The following CDH18 variants were observed in gnomAD, a reference collection of about 807,000 sequenced individuals.
The protein encoded by CDH18 is cadherin-18.
Under a neutral mutation model 67.9 loss-of-function variants are expected in CDH18, and 31 were observed. That is an observed-to-expected ratio of 0.46 (90% CI 0.34 to 0.62). The LOEUF is 0.62. Among genes scored for constraint, CDH18 ranks in the 20% least tolerant of loss-of-function variants. The pLI, the probability that CDH18 is intolerant of heterozygous loss-of-function variation, is 0.01. For synonymous variants in CDH18, 362 were observed against 347.2 expected (o/e 1.04, Z -0.48); for missense variants, 890 against 975.5 (o/e 0.91, Z 1.17).
chr5:19,515,061 A>G (rs1231441999), intron 10 of CDH18, among the ~76,000 whole-genome samples: 2 of 152,184 alleles, frequency 1.3e-5, no homozygotes, highest in East Asian at 3.8e-4. Flanking sequence ...AGCTTTCTAC[A>G]TATGGCTAGC....
intron 2 of CDH18, among the ~76,000 whole-genome samples, chr5:20,103,498 G>A (rs1746648152): frequency 6.6e-6 from 1 of 151,658 alleles, no homozygotes; most frequent in Non-Finnish European, 1.5e-5. Flanking sequence ...GACCGAGGCA[G>A]GGAGATCACG....
At chr5:20,069,383 G>T (rs1489746229) in intron 2 of CDH18, among the ~76,000 whole-genome samples, 2 of 148,954 alleles carry the variant, frequency 1.3e-5, no homozygotes. Context: ...ACTCTCTACT[G>T]CATTGCCCTC....
intron 2 of CDH18, among the ~76,000 whole-genome samples, chr5:19,958,529 C>A (rs966665059): frequency 6.6e-6 from 1 of 151,736 alleles, no homozygotes; most frequent in African/African-American, 2.4e-5. Flanking sequence ...GTGTTTATAC[C>A]CTCAGTACCT....
chr5:19,958,493 G>A (rs115298303), intron 2 of CDH18, among the ~76,000 whole-genome samples: 140 of 150,902 alleles, frequency 9.3e-4, no homozygotes, highest in African/African-American at 3.3e-3. Context: ...TGTATGAACT[G>A]TAAATGACCT....
intron 5 of CDH18, among the ~76,000 whole-genome samples, chr5:19,638,261 A>G (rs557991829): frequency 1.2e-4 from 19 of 152,328 alleles, no homozygotes; most frequent in African/African-American, 4.6e-4. Context: ...CGACAGTGAG[A>G]CTATAACTAT....
In CDH18 at chr5:19,730,339, CTCCTTTATCCAT is replaced by C. The variant is rs1338453212; in HGVS notation, c.524-8885_524-8874del. On this transcript the variant is annotated intron_variant, in intron 4 of 12. Coordinates refer to ENST00000382275, the MANE Select transcript of CDH18 (RefSeq NM_004934.5). ...GGTATTAACAGATTTCTCCCCAATG[CTCCTTTATCCAT>C]TTTGAAAGTAATGACTACACACTAC... Among the ~76,000 whole-genome samples the C allele has an allele frequency of 8.5e-5, 13 of 152,330 alleles. No individual in the cohort carries two copies. In the South Asian group the frequency reaches 1.9e-3, roughly 22 times the overall value.
At chr5:19,540,028 A>C (rs373827430) in intron 9 of CDH18, among the ~76,000 whole-genome samples, 17 of 152,184 alleles carry the variant, frequency 1.1e-4, no homozygotes, top group East Asian at 7.7e-4. Flanking sequence ...CTTATCTGAG[A>C]CAAAGCAAGT....
intron 1 of CDH18, among the ~76,000 whole-genome samples, chr5:20,286,132 C>A (rs915463005): frequency 5.3e-5 from 8 of 151,246 alleles, no homozygotes; most frequent in African/African-American, 9.7e-5. Context: ...TATTAGAATA[C>A]CTTGCCCAAA....
intron 1 of CDH18, among the ~76,000 whole-genome samples, chr5:20,535,568 G>C (rs1386956393): frequency 6.6e-6 from 1 of 152,078 alleles, no homozygotes; most frequent in African/African-American, 2.4e-5. Flanking sequence ...GTGGAAATTA[G>C]ATTTTTTTGT....
chr5:20,058,915 C>T (rs1040532629), intron 2 of CDH18, among the ~76,000 whole-genome samples: 4 of 152,086 alleles, frequency 2.6e-5, no homozygotes, highest in African/African-American at 7.2e-5. Flanking sequence ...TGGTAGAATT[C>T]GGCTGTGAAT....
At chr5:19,701,535 A>G (rs1321023593) in intron 5 of CDH18, among the ~76,000 whole-genome samples, 1 of 152,164 alleles carries the variant, frequency 6.6e-6, no homozygotes, top group Non-Finnish European at 1.5e-5. Context: ...CCCTTTGGTC[A>G]TAGATCACAA....
intron 2 of CDH18, among the ~76,000 whole-genome samples, chr5:19,857,426 T>TA (rs1023222473): frequency 2.6e-5 from 4 of 152,126 alleles, no homozygotes; most frequent in Non-Finnish European, 4.4e-5. Flanking sequence ...TAAATGATGA[T>TA]AAATAGCTGA....
At chr5:20,402,637 A>G (rs1051803414) in intron 1 of CDH18, among the ~76,000 whole-genome samples, 2 of 138,740 alleles carry the variant, frequency 1.4e-5, no homozygotes, top group East Asian at 3.9e-4. Context: ...TGGATATCTT[A>G]ACTTAAAATA....
At chr5:20,486,563 C>A (rs141520152) in intron 1 of CDH18, among the ~76,000 whole-genome samples, 189 of 151,828 alleles carry the variant, frequency 1.2e-3, no homozygotes, top group African/African-American at 4.4e-3. Context: ...GACCTGGGAG[C>A]TGAACTGATG....
In CDH18 at chr5:19,483,429, G is replaced by C. The variant is rs1322851314; in HGVS notation, c.1754C>G (p.Thr585Ser). The C allele has an allele frequency of 6.2e-7, 1 of 1,614,098 alleles. No homozygotes were observed. ...TCTCTCGCATGCACAAACCCTGATG[G>C]TGAGGGTGCTGCTGCTGCTGAGAGA... is the stretch of plus-strand genomic sequence containing the variant. ...IPSLSSSSTL[T>S]IRVCACERDG... The change falls in exon 12 of 13, where the codon ACC (threonine) becomes AGC (serine). Residue 585 changes from threonine to serine, a missense_variant. Thr to Ser is a moderately conservative substitution (Grantham distance 58). Around this residue, in one of 2 missense-constraint regions of CDH18, gnomAD observed 656 missense variants for 668.1 expected, o/e 0.98. Transcript: ENST00000382275.
intron 2 of CDH18, among the ~76,000 whole-genome samples, chr5:20,245,812 A>G (rs1410877247): frequency 1.3e-5 from 2 of 152,158 alleles, no homozygotes; most frequent in Non-Finnish European, 2.9e-5. Context: ...AGTATGGTCT[A>G]AGTAGCTTTT....
intron 1 of CDH18, among the ~76,000 whole-genome samples, chr5:20,282,585 G>A (rs1465584138): frequency 6.6e-6 from 1 of 152,094 alleles, no homozygotes; most frequent in African/African-American, 2.4e-5. Flanking sequence ...TGGTGGATAA[G>A]CTTTTTGATG....
chr5:19,790,091 G>A (rs1431692726), intron 3 of CDH18, among the ~76,000 whole-genome samples: 1 of 151,886 alleles, frequency 6.6e-6, no homozygotes, highest in East Asian at 1.9e-4. Context: ...AGGACTCATT[G>A]CACTATATTT....
chr5:20,503,164 A>G (rs1581119901), intron 1 of CDH18, among the ~76,000 whole-genome samples: 1 of 143,758 alleles, frequency 7.0e-6, no homozygotes, highest in Non-Finnish European at 1.5e-5. Flanking sequence ...CATAATATCT[A>G]TAATCTTTTA....
Sources: allele counts gnomAD v4.1 joint callset (sites outside exome capture counted in the v4.1 genomes callset), GRCh38; gene constraint gnomAD v4.1.1; regional missense constraint gnomAD v4.1.1; transcripts MANE v1.5; gene names NCBI Gene and HGNC (gene_info 2026-07-23, HGNC 2026-07-21).